The following ACSL3 variants were observed in gnomAD, a reference collection of about 807,000 sequenced individuals.
The protein encoded by ACSL3 is acyl-CoA synthetase long chain family member 3, also known as fatty acid CoA ligase Acsl3.
ACSL3 carries 34 observed loss-of-function variants against 84.7 expected under a neutral mutation model. The observed-to-expected ratio is 0.40, with a 90% CI of 0.31 to 0.53. The LOEUF is 0.53. Among genes scored for constraint, ACSL3 ranks in the 20% least tolerant of loss-of-function variants. ACSL3 has a pLI of 0.48. For missense variants in ACSL3, 680 were observed against 873.1 expected (o/e 0.78, Z 2.79); for synonymous variants, 315 against 299.4 (o/e 1.05, Z -0.54).
chr2:222,889,242 A>T (rs930661779), intron 2 of ACSL3, among the ~76,000 whole-genome samples: 15 of 152,186 alleles, frequency 9.9e-5, no homozygotes, highest in Non-Finnish European at 2.2e-4. Flanking sequence ...TCAGTAGGGT[A>T]CTTAGGATAT....
intron 4 of ACSL3, among the ~76,000 whole-genome samples, chr2:222,912,330 G>A (rs1270251367): frequency 6.6e-6 from 1 of 152,086 alleles, no homozygotes; most frequent in Non-Finnish European, 1.5e-5. Context: ...CCCTCTCTTG[G>A]TTTCTTGTTA....
At chr2:222,876,246 A>G (rs980183998) in intron 1 of ACSL3, among the ~76,000 whole-genome samples, 2 of 152,168 alleles carry the variant, frequency 1.3e-5, no homozygotes, top group African/African-American at 4.8e-5. Context: ...CCCTACCCTC[A>G]TGTGGGATAG....
intron 7 of ACSL3, among the ~76,000 whole-genome samples, chr2:222,920,674 A>G (rs757902242): frequency 1.4e-4 from 22 of 152,124 alleles, no homozygotes; most frequent in Non-Finnish European, 2.5e-4. Context: ...TTTTTTTCAC[A>G]GATAATAACA....
In ACSL3 at chr2:222,943,824, CAT is replaced by C. The variant is rs771271817; in HGVS notation, c.*2174_*2175del. 1 of 152,048 alleles carries C rather than the reference CAT, an allele frequency of 6.6e-6. No individual in the cohort carries two copies. Among genetic ancestry groups the C allele is most frequent in the African/African-American group, 2.4e-5 (1 of 41,404 alleles). 9.4% of individuals were successfully genotyped at this position (152,048 alleles called of 1,614,324 possible). A position where few individuals can be genotyped will look rare whatever the true frequency, so the allele number is the denominator to read the frequency against. ...ATGAAAAAACCACTCAATTATGACT[CAT>C]ATAAGAAATACTGGTTTAACCAGGA... On this transcript the variant is annotated 3_prime_UTR_variant, in exon 17 of 17. Transcript: ENST00000357430.
At chr2:222,874,071 G>C (rs977624275) in intron 1 of ACSL3, among the ~76,000 whole-genome samples, 1 of 152,020 alleles carries the variant, frequency 6.6e-6, no homozygotes, top group African/African-American at 2.4e-5. Flanking sequence ...ACCCAGGCTG[G>C]AGTGCAGTGA....
chr2:222,866,342 T>G (rs558326702), intron 1 of ACSL3, among the ~76,000 whole-genome samples: 30 of 152,298 alleles, frequency 2.0e-4, no homozygotes, highest in African/African-American at 7.2e-4. Context: ...AGATGGGGTT[T>G]CACCATGTTA....
chr2:222,904,658 T>G (rs1696246696), intron 3 of ACSL3: 1 of 153,834 alleles, frequency 6.5e-6, no homozygotes, highest in Non-Finnish European at 1.5e-5. Context: ...ATGCCTGAGA[T>G]TTGCAGTAAT....
chr2:222,919,452 TTTTCA>T (rs1559297032), intron 7 of ACSL3: 1 of 297,910 alleles, frequency 3.4e-6, no homozygotes. Flanking sequence ...TTACATTCAG[TTTTCA>T]TTTCTTTTTT....
intron 11 of ACSL3, 134 bp from the exon 12 acceptor site, chr2:222,926,883 A>G (rs1696894722): frequency 1.1e-6 from 1 of 907,636 alleles, no homozygotes; most frequent in Non-Finnish European, 1.6e-6. Flanking sequence ...GAGACTCTCC[A>G]AATTGGCTGT....
chr2:222,927,051 G>A lies in ACSL3; in HGVS notation c.1327G>A (p.Gly443Arg), dbSNP rs1483091291. 1.9e-6 allele frequency: 3 copies of A among 1,613,596 alleles called. No homozygotes were observed. Among genetic ancestry groups the A allele is most frequent in the Non-Finnish European group, 2.5e-6 (3 of 1,179,602 alleles). The change falls in exon 12 of 17, where the codon GGA becomes AGA. Residue 443 changes from glycine (G) to arginine (R), a missense_variant. By Grantham distance (125) the Gly-to-Arg change is moderately radical. Transcript: ENST00000357430. ...CCGGAAAGTTCGAAGCTTGCTAGGG[G>A]GAAATATTCGTCTCCTGTTGTGTGG... The part of the protein sequence containing the change: ...VFRKVRSLLG[G>R]NIRLLLCGGA...
intron 1 of ACSL3, among the ~76,000 whole-genome samples, chr2:222,869,706 T>C (rs1348496097): frequency 6.6e-6 from 1 of 152,114 alleles, no homozygotes; most frequent in Non-Finnish European, 1.5e-5. Context: ...GAAGAAAGAT[T>C]TGTGAGGAAG....
At chr2:222,874,636 C>T (rs563922445) in intron 1 of ACSL3, among the ~76,000 whole-genome samples, 124 of 151,648 alleles carry the variant, frequency 8.2e-4, no homozygotes, top group Admixed American at 1.0e-3. Flanking sequence ...GATCAAGCCA[C>T]TGCACTCCAA....
At chr2:222,888,768 AGACGCTTTGTTTGC>A (rs1459455998) in intron 2 of ACSL3, among the ~76,000 whole-genome samples, 3 of 152,208 alleles carry the variant, frequency 2.0e-5, no homozygotes, top group East Asian at 1.9e-4. Context: ...GTATCTTTCC[AGACGCTTTGTTTGC>A]GACGCTTTGT....
chr2:222,899,630 A>G (rs1314366569), intron 2 of ACSL3, among the ~76,000 whole-genome samples: 3 of 152,308 alleles, frequency 2.0e-5, no homozygotes, highest in South Asian at 2.1e-4. Flanking sequence ...TTAAGAACAT[A>G]AAGTGGCGCA....
At chr2:222,907,756 T>TAAAAA (rs34528925) in intron 3 of ACSL3, among the ~76,000 whole-genome samples, 1 of 138,976 alleles carries the variant, frequency 7.2e-6, no homozygotes, top group Non-Finnish European at 1.5e-5. Context: ...ATCCTGTCTT[T>TAAAAA]AAAAAAAAAA....
At chr2:222,911,635 G>A (rs150815199) in intron 4 of ACSL3, among the ~76,000 whole-genome samples, 13 of 152,234 alleles carry the variant, frequency 8.5e-5, no homozygotes, top group Middle Eastern at 3.4e-3. Flanking sequence ...TCTTTCAGTC[G>A]TCATTCGGTA....
intron 1 of ACSL3, among the ~76,000 whole-genome samples, chr2:222,871,257 A>G (rs1256236735): frequency 6.6e-6 from 1 of 152,128 alleles, no homozygotes; most frequent in Non-Finnish European, 1.5e-5. Flanking sequence ...GTGAAAGCAG[A>G]GTGACAGTAG....
At chr2:222,920,655 A>G (rs1696707415) in intron 7 of ACSL3, among the ~76,000 whole-genome samples, 1 of 151,172 alleles carries the variant, frequency 6.6e-6, no homozygotes, top group African/African-American at 2.4e-5. Flanking sequence ...ACAGCAGCCA[A>G]AGTGATCTTT....
intron 1 of ACSL3, among the ~76,000 whole-genome samples, chr2:222,881,562 G>A (rs1695592184): frequency 6.6e-6 from 1 of 152,194 alleles, no homozygotes; most frequent in South Asian, 2.1e-4. Context: ...TGTCGCCCAG[G>A]CTGGAGTGCA....
Sources: gnomAD v4.1 joint callset for allele counts (sites outside exome capture counted in the v4.1 genomes callset) on GRCh38, gnomAD v4.1.1 for gene constraint, MANE v1.5 for transcripts, NCBI Gene and HGNC (gene_info 2026-07-23, HGNC 2026-07-21) for gene names.